The following ZC3H13 variants were observed in gnomAD, a reference collection of about 807,000 sequenced individuals.
The protein encoded by ZC3H13 is zinc finger CCCH domain-containing protein 13.
ZC3H13 carries 64 observed loss-of-function variants against 204.1 expected under a neutral mutation model. That is an observed-to-expected ratio of 0.31 (90% CI 0.26 to 0.39). The LOEUF is 0.39. Among genes scored for constraint, ZC3H13 ranks in the 10% least tolerant of loss-of-function variants. ZC3H13 has a pLI of 1.00. For synonymous variants in ZC3H13, 667 were observed against 693.7 expected (o/e 0.96, Z 0.60); for missense variants, 1,833 against 2,082.7 (o/e 0.88, Z 2.33).
chr13:46,023,228 CCT>C (rs2042329076), intron 4 of ZC3H13, among the ~76,000 whole-genome samples: 1 of 152,102 alleles, frequency 6.6e-6, no homozygotes, highest in East Asian at 1.9e-4. Flanking sequence ...CTATGGAAGC[CCT>C]CTATTACAAG....
chr13:45,976,283 T>A (rs1227881874), intron 11 of ZC3H13: 2 of 984,118 alleles, frequency 2.0e-6, no homozygotes, highest in East Asian at 1.1e-4. Flanking sequence ...AAAAAAAAAA[T>A]TTCCCTCGTA....
intron 15 of ZC3H13, among the ~76,000 whole-genome samples, chr13:45,966,777 C>T (rs956516463): frequency 3.9e-5 from 6 of 151,938 alleles, no homozygotes; most frequent in Admixed American, 3.3e-4. Context: ...GAGAAGGCTT[C>T]ATCGAGAAAA....
chr13:45,994,133 A>C (rs2040163882), intron 8 of ZC3H13, among the ~76,000 whole-genome samples: 1 of 152,212 alleles, frequency 6.6e-6, no homozygotes, highest in South Asian at 2.1e-4. Flanking sequence ...TTTCCACTTA[A>C]TGAATAGTAA....
chr13:46,034,539 T>A (rs2043095861), intron 4 of ZC3H13, among the ~76,000 whole-genome samples: 1 of 152,264 alleles, frequency 6.6e-6, no homozygotes, highest in East Asian at 1.9e-4. Context: ...ATAATATATA[T>A]GATTCCATTA....
intron 5 of ZC3H13, among the ~76,000 whole-genome samples, chr13:46,012,449 G>C (rs1303183862): frequency 6.6e-6 from 1 of 151,972 alleles, no homozygotes; most frequent in Non-Finnish European, 1.5e-5. Context: ...CTTGGGAAAA[G>C]AAATAAAATG....
At chr13:45,995,638 G>A (rs2040277562) in intron 8 of ZC3H13, among the ~76,000 whole-genome samples, 2 of 152,296 alleles carry the variant, frequency 1.3e-5, no homozygotes, top group South Asian at 4.1e-4. Context: ...GCCCACTGCT[G>A]CAATACCAGC....
intron 10 of ZC3H13, among the ~76,000 whole-genome samples, chr13:45,983,433 T>A (rs1953872855): frequency 1.9e-5 from 1 of 53,054 alleles, no homozygotes; most frequent in African/African-American, 1.3e-4. Context: ...TTTTTTTTTT[T>A]TTTTTTTTTT....
At position 45,985,520 on chromosome 13, in the gene ZC3H13, C is replaced by A; in HGVS notation, c.1497G>T (p.Arg499=). 1 of 1,614,178 alleles carries A rather than the reference C, an allele frequency of 6.2e-7. No individual in the cohort carries two copies. Among genetic ancestry groups the A allele is most frequent in the Non-Finnish European group, 8.5e-7 (1 of 1,180,032 alleles). Residue 499 remains arginine, a synonymous_variant, in exon 10 of 19, where the codon CGG becomes CGT. Coordinates refer to ENST00000679008, the MANE Select transcript of ZC3H13 (RefSeq NM_001330564.2). ...TKESRDPRDS[R]STRDAHDYRD... is the part of the protein sequence containing the mutation. ...TGTAGTCATGGGCATCACGAGTGGA[C>A]CGAGAATCTCTGGGATCACGGCTCT...
chr13:45,982,131 A>G (rs1377170583), intron 10 of ZC3H13, among the ~76,000 whole-genome samples: 1 of 151,936 alleles, frequency 6.6e-6, no homozygotes, highest in East Asian at 1.9e-4. Flanking sequence ...CCCAAGATTT[A>G]AAAAACAAAC....
intron 4 of ZC3H13, among the ~76,000 whole-genome samples, chr13:46,035,109 C>A (rs1321000481): frequency 6.6e-6 from 1 of 152,130 alleles, no homozygotes; most frequent in Non-Finnish European, 1.5e-5. Context: ...GTGCATGTGT[C>A]TCAGAATACT....
At chr13:46,035,013 G>A (rs369452149) in intron 4 of ZC3H13, among the ~76,000 whole-genome samples, 60 of 152,104 alleles carry the variant, frequency 3.9e-4, no homozygotes, top group Non-Finnish European at 2.8e-4. Flanking sequence ...CACAGCTAAC[G>A]CCCAGGTTTT....
chr13:46,003,324 G>A lies in ZC3H13; in HGVS notation c.759C>T (p.Thr253=). 1 of 1,605,974 alleles carries A rather than the reference G, an allele frequency of 6.2e-7. No homozygotes were observed. The highest frequency in any genetic ancestry group is 8.5e-7 in the Non-Finnish European group (1 of 1,178,176). The change falls in exon 8 of 19, where the codon ACC becomes ACT. Residue 253 remains threonine, a synonymous_variant. Coordinates refer to ENST00000679008, the MANE Select transcript of ZC3H13 (RefSeq NM_001330564.2). ...GTGGTCCTTTCTTTTTACTTTGGTT[G>A]GTTTTTGAATTTCTGAAGGTAACAA... ...PLLDQQRNSK[T]NQSKKKGPRT...
At position 45,973,502 on chromosome 13, in the gene ZC3H13, T is replaced by A. The variant is rs558627651; in HGVS notation, c.2468+1781A>T. On this transcript the variant is annotated intron_variant, in intron 12 of 18. Coordinates refer to ENST00000679008, the MANE Select transcript of ZC3H13 (RefSeq NM_001330564.2). ...GCATGAAAAAAATACAGGTTGCGTA[T>A]CCCTTATCCATGAAATGCTTTAGGT... 3.3e-5 allele frequency among the ~76,000 whole-genome samples: 5 copies of A among 152,308 alleles called. No homozygotes were observed. In the East Asian group the frequency reaches 9.6e-4, roughly 29 times the overall value.
At chr13:45,970,083 C>A (rs1201997524) in intron 13 of ZC3H13, 112 bp from the exon 14 acceptor site, 4 of 1,346,348 alleles carry the variant, frequency 3.0e-6, no homozygotes, top group Non-Finnish European at 4.0e-6. Context: ...CTTTGGGAGG[C>A]CGAGGCAGGT....
intron 4 of ZC3H13, among the ~76,000 whole-genome samples, chr13:46,024,401 G>T (rs948590613): frequency 4.6e-5 from 7 of 152,056 alleles, no homozygotes; most frequent in Non-Finnish European, 5.9e-5. Flanking sequence ...ATTTGAAAAG[G>T]TCTTTATTTT....
intron 3 of ZC3H13, among the ~76,000 whole-genome samples, chr13:46,043,534 A>T (rs2043733225): frequency 6.6e-6 from 1 of 151,952 alleles, no homozygotes; most frequent in Non-Finnish European, 1.5e-5. Flanking sequence ...AACAGAATGA[A>T]TGTTTTACAC....
At chr13:45,989,621 G>A (rs970078553) in intron 8 of ZC3H13, among the ~76,000 whole-genome samples, 1 of 152,178 alleles carries the variant, frequency 6.6e-6, no homozygotes, top group Non-Finnish European at 1.5e-5. Context: ...ATTAAGGAAA[G>A]GATAACAAAA....
chr13:46,019,599 T>C (rs2042103725), intron 5 of ZC3H13, among the ~76,000 whole-genome samples: 1 of 152,160 alleles, frequency 6.6e-6, no homozygotes, highest in African/African-American at 2.4e-5. Flanking sequence ...AATATGACAT[T>C]ACAGTGCCCA....
chr13:46,029,950 CAT>C (rs769048296), intron 4 of ZC3H13, among the ~76,000 whole-genome samples: 4 of 152,108 alleles, frequency 2.6e-5, no homozygotes, highest in Non-Finnish European at 4.4e-5. Context: ...TGTATCATAA[CAT>C]GTTATGCAAA....
Sources: allele counts gnomAD v4.1 joint callset (sites outside exome capture counted in the v4.1 genomes callset), GRCh38; gene constraint gnomAD v4.1.1; transcripts MANE v1.5; gene names NCBI Gene and HGNC (gene_info 2026-07-23, HGNC 2026-07-21).